The following SPIRE1 variants were observed in gnomAD, a reference collection of about 807,000 sequenced individuals.
The protein encoded by SPIRE1 is spire type actin nucleation factor 1.
In SPIRE1, 40 loss-of-function variants were observed where a neutral mutation model predicts 94.1. That is an observed-to-expected ratio of 0.43 (90% CI 0.33 to 0.55). The LOEUF (loss-of-function observed/expected upper bound fraction) is 0.55, where lower values mean the gene tolerates loss of function less well. Ranked by LOEUF, SPIRE1 falls within the 20% of genes least tolerant of loss-of-function variation. The probability of loss-of-function intolerance (pLI) is 0.06; values close to 1 mark genes in which losing one functional copy is unlikely to be tolerated. For synonymous variants in SPIRE1, 376 were observed against 371.7 expected (o/e 1.01, Z -0.13); for missense variants, 838 against 975.2 (o/e 0.86, Z 1.87).
Position 12,657,982 on chromosome 18 carries a change from G to T in SPIRE1, c.-116C>A. ...ATCCCCGGAACCGCCGCCGCCCAAC[G>T]CGGCCGCGCGCGCCGCCGCCGGGAC... is the stretch of plus-strand genomic sequence containing the variant. On this transcript the variant is annotated 5_prime_UTR_variant, in exon 1 of 17. Coordinates refer to ENST00000409402, the MANE Select transcript of SPIRE1 (RefSeq NM_001128626.2). The T allele has an allele frequency of 4.0e-6, 4 of 992,220 alleles. No individual in the cohort carries two copies. Among genetic ancestry groups the T allele is most frequent in the Non-Finnish European group, 4.8e-6 (4 of 835,326 alleles). The allele number at this position is 992,220 out of a possible 1,614,324, so 61.5% of individuals were successfully genotyped here. A position where few individuals can be genotyped will look rare whatever the true frequency, so the allele number is the denominator to read the frequency against.
intron 12 of SPIRE1, among the ~76,000 whole-genome samples, chr18:12,456,526 C>T (rs1188425644): frequency 6.6e-6 from 1 of 152,130 alleles, no homozygotes; most frequent in Non-Finnish European, 1.5e-5. Flanking sequence ...GGGAATCTAG[C>T]ACATAACCAG....
At chr18:12,540,504 T>C (rs1484228008) in intron 3 of SPIRE1, among the ~76,000 whole-genome samples, 3 of 152,316 alleles carry the variant, frequency 2.0e-5, no homozygotes, top group Admixed American at 6.5e-5. Context: ...GCCTCCCAAG[T>C]AGCTGGGATT....
chr18:12,591,158 G>C (rs2036523435), intron 2 of SPIRE1, among the ~76,000 whole-genome samples: 1 of 152,220 alleles, frequency 6.6e-6, no homozygotes, highest in Non-Finnish European at 1.5e-5. Context: ...GTTTAGTGTA[G>C]CCTTCACATC....
chr18:12,481,493 TA>T (rs2032841373), intron 9 of SPIRE1, among the ~76,000 whole-genome samples: 1 of 151,968 alleles, frequency 6.6e-6, no homozygotes, highest in Non-Finnish European at 1.5e-5. Context: ...AATTTCTACT[TA>T]TTTTTGAAGG....
chr18:12,488,910 G>A (rs1244448003), intron 8 of SPIRE1, among the ~76,000 whole-genome samples: 2 of 152,136 alleles, frequency 1.3e-5, no homozygotes, highest in Non-Finnish European at 2.9e-5. Flanking sequence ...CTTGGGTCAG[G>A]CGCGGTGGCT....
intron 10 of SPIRE1, 70 bp from the exon 11 acceptor site, chr18:12,465,028 T>C (rs2032033045): frequency 4.5e-6 from 6 of 1,331,696 alleles, no homozygotes; most frequent in Non-Finnish European, 6.3e-6. Flanking sequence ...AATAACATTT[T>C]ATTATTAAAC....
chr18:12,487,635 G>A (rs1184316679), intron 8 of SPIRE1, among the ~76,000 whole-genome samples: 13 of 151,572 alleles, frequency 8.6e-5, no homozygotes, highest in East Asian at 5.9e-4. Context: ...CTTGTGACCC[G>A]CCCGCCTCGG....
intron 1 of SPIRE1, among the ~76,000 whole-genome samples, chr18:12,650,876 CAAA>C (rs34966832): frequency 9.4e-5 from 7 of 74,178 alleles, no homozygotes; most frequent in Admixed American, 1.4e-4. Context: ...GACCCTGTCT[CAAA>C]AAAAAAAAAA....
chr18:12,630,978 T>A (rs990924925), intron 2 of SPIRE1, among the ~76,000 whole-genome samples: 7 of 152,216 alleles, frequency 4.6e-5, no homozygotes, highest in African/African-American at 1.4e-4. Context: ...TGACCCCGTA[T>A]AACCTCAGTC....
intron 3 of SPIRE1, among the ~76,000 whole-genome samples, chr18:12,542,426 T>C (rs1481145664): frequency 6.6e-6 from 1 of 152,208 alleles, no homozygotes; most frequent in African/African-American, 2.4e-5. Context: ...CAGTATAAAT[T>C]TAGACCATTT....
At chr18:12,495,693 A>G (rs182523404) in intron 7 of SPIRE1, among the ~76,000 whole-genome samples, 224 of 152,280 alleles carry the variant, frequency 1.5e-3, no homozygotes, top group Admixed American at 3.6e-3. Flanking sequence ...GTTTGAGACC[A>G]GCGTGGGCAA....
chr18:12,507,048 A>G (rs1225811542), intron 5 of SPIRE1, among the ~76,000 whole-genome samples: 1 of 152,230 alleles, frequency 6.6e-6, no homozygotes, highest in Non-Finnish European at 1.5e-5. Flanking sequence ...CTTCAAAAGC[A>G]TATGTACAAT....
At chr18:12,603,944 G>A (rs2036906122) in intron 2 of SPIRE1, among the ~76,000 whole-genome samples, 1 of 152,132 alleles carries the variant, frequency 6.6e-6, no homozygotes, top group Non-Finnish European at 1.5e-5. Flanking sequence ...CAAAGGGACT[G>A]GGTTTGGGGA....
chr18:12,493,547 C>T (rs1320924402), intron 7 of SPIRE1, among the ~76,000 whole-genome samples: 3 of 152,134 alleles, frequency 2.0e-5, no homozygotes, highest in Admixed American at 2.0e-4. Context: ...GCTGGGATTA[C>T]AGGCGTGTGC....
At chr18:12,582,986 C>T (rs1333996754) in intron 2 of SPIRE1, among the ~76,000 whole-genome samples, 1 of 152,168 alleles carries the variant, frequency 6.6e-6, no homozygotes, top group African/African-American at 2.4e-5. Context: ...AAGAGTGCAA[C>T]TCCTAAAGGT....
At chr18:12,463,621 G>C (rs2031966647) in intron 11 of SPIRE1, 128 bp from the exon 12 acceptor site, 1 of 754,800 alleles carries the variant, frequency 1.3e-6, no homozygotes, top group Non-Finnish European at 2.1e-6. Flanking sequence ...TTTTAAGATG[G>C]TAATGGTAAT....
chr18:12,558,888 A>G (rs1271312699), intron 2 of SPIRE1, among the ~76,000 whole-genome samples: 1 of 152,182 alleles, frequency 6.6e-6, no homozygotes, highest in Non-Finnish European at 1.5e-5. Flanking sequence ...CGAGCTAGAC[A>G]CAGAGTGCTG....
chr18:12,478,248 C>T (rs1029455283), intron 10 of SPIRE1, among the ~76,000 whole-genome samples: 1 of 151,816 alleles, frequency 6.6e-6, no homozygotes, highest in African/African-American at 2.4e-5. Context: ...GGTATGTGTG[C>T]ATGCACGCAG....
intron 1 of SPIRE1, among the ~76,000 whole-genome samples, chr18:12,649,991 G>A (rs2038330721): frequency 6.6e-6 from 1 of 152,176 alleles, no homozygotes; most frequent in Admixed American, 6.5e-5. Flanking sequence ...TGTAATCCCA[G>A]CACTTTGGGA....
Sources: allele counts gnomAD v4.1 joint callset (sites outside exome capture counted in the v4.1 genomes callset), GRCh38; gene constraint gnomAD v4.1.1; transcripts MANE v1.5; gene names NCBI Gene and HGNC (gene_info 2026-07-23, HGNC 2026-07-21).